Variants in SPATA1 observed in about 807,000 individuals in gnomAD.
SPATA1 encodes spermatogenesis associated 1.
In SPATA1, 57 loss-of-function variants were observed where a neutral mutation model predicts 59.6. That is an observed-to-expected ratio of 0.96 (90% CI 0.77 to 1.19). The LOEUF (loss-of-function observed/expected upper bound fraction) is 1.19, where lower values mean the gene tolerates loss of function less well. Among genes scored for constraint, SPATA1 ranks in the 50% most tolerant of loss-of-function variants. The probability of loss-of-function intolerance (pLI) is 0.00; values close to 1 mark genes in which losing one functional copy is unlikely to be tolerated. For missense variants in SPATA1, 448 were observed against 480.7 expected, an observed-to-expected ratio of 0.93 and a Z score of 0.64; for synonymous variants, 147 against 163.9, an observed-to-expected ratio of 0.90 and a Z score of 0.79.
At chr1:84,560,049 A>C (rs1684556681) in intron 4 of SPATA1, among the ~76,000 whole-genome samples, 1 of 146,962 alleles carries the variant, frequency 6.8e-6, no homozygotes, top group Non-Finnish European at 1.5e-5. Context: ...GCGCCACTGC[A>C]CTACAGCCTG....
At chr1:84,537,853 C>T (rs952930093) in intron 8 of SPATA1, among the ~76,000 whole-genome samples, 1 of 152,188 alleles carries the variant, frequency 6.6e-6, no homozygotes, top group Admixed American at 6.5e-5. Flanking sequence ...TTTGCAAATT[C>T]TCCCTGTAGC....
chr1:84,515,378 C>A (rs960602234), intron 1 of SPATA1, among the ~76,000 whole-genome samples: 5 of 148,212 alleles, frequency 3.4e-5, no homozygotes, highest in African/African-American at 1.3e-4. Context: ...AATTTTGATA[C>A]TATTAAAACA....
intron 3 of SPATA1, among the ~76,000 whole-genome samples, chr1:84,522,030 A>C (rs1012978333): frequency 6.6e-6 from 1 of 152,228 alleles, no homozygotes; most frequent in Non-Finnish European, 1.5e-5. Flanking sequence ...CAAAATAAAT[A>C]TCTGTGGCTA....
chr1:84,520,526 A>G lies in SPATA1; in HGVS notation c.37-59A>G, dbSNP rs779144671. On this transcript the variant is annotated intron_variant, in intron 2 of 12. Coordinates refer to ENST00000490879, the Ensembl canonical transcript of SPATA1. The stretch of plus-strand genomic sequence containing the variant: ...TTAAACTTAATTCTATAGGACATCA[A>G]TTGATTTTTTTTTTCACTTTAAAAA... The G allele has an allele frequency of 1.8e-5, 17 of 920,772 alleles. No individual in the cohort carries two copies. The Admixed American group carries it at 8.0e-4, about 43-fold the overall frequency. The allele number at this position is 920,772 out of a possible 1,614,324, so 57.0% of individuals were successfully genotyped here. A position where few individuals can be genotyped will look rare whatever the true frequency, so the allele number is the denominator to read the frequency against.
At chr1:84,540,011 T>A (rs1239776604) in intron 8 of SPATA1, among the ~76,000 whole-genome samples, 1 of 152,212 alleles carries the variant, frequency 6.6e-6, no homozygotes, top group African/African-American at 2.4e-5. Flanking sequence ...GAATTCTTCC[T>A]TACTGCATGT....
chr1:84,554,915 T>C, downstream of SPATA1: 1 of 1,048,930 alleles, frequency 9.5e-7, no homozygotes, highest in Non-Finnish European at 1.4e-6. Flanking sequence ...AACAAAAGTA[T>C]ATAGCAACAT....
At chr1:84,510,097 G>A (rs571300188) in intron 1 of SPATA1, among the ~76,000 whole-genome samples, 84 of 152,126 alleles carry the variant, frequency 5.5e-4, no homozygotes, top group Non-Finnish European at 1.1e-3. Context: ...ACCTGCAGAG[G>A]TCAAGGCTGC....
At chr1:84,523,737 G>A (rs1311125297) in intron 4 of SPATA1, among the ~76,000 whole-genome samples, 1 of 151,950 alleles carries the variant, frequency 6.6e-6, no homozygotes, top group East Asian at 1.9e-4. Context: ...TACAACTTTT[G>A]GCATATTAAT....
intron 4 of SPATA1, chr1:84,564,053 T>C (rs1684644573): frequency 5.9e-6 from 1 of 170,300 alleles, no homozygotes. Context: ...TTCAAAACAA[T>C]TAAGATCATA....
intron 4 of SPATA1, among the ~76,000 whole-genome samples, chr1:84,525,398 T>C (rs967431913): frequency 2.6e-5 from 4 of 152,210 alleles, no homozygotes; most frequent in African/African-American, 9.6e-5. Context: ...AACTTGGAAA[T>C]TTCCTAGGTA....
At chr1:84,558,842 A>G (rs1172315537), downstream of SPATA1, among the ~76,000 whole-genome samples, 1 of 152,068 alleles carries the variant, frequency 6.6e-6, no homozygotes, top group Non-Finnish European at 1.5e-5. Context: ...TCAAGGCTGC[A>G]GTGAGCCATG....
At chr1:84,555,624 C>T (rs775634065), downstream of SPATA1, among the ~76,000 whole-genome samples, 1 of 152,204 alleles carries the variant, frequency 6.6e-6, no homozygotes, top group East Asian at 1.9e-4. Flanking sequence ...ATAGATTCTA[C>T]TTGAGCTCCT....
chr1:84,559,868 T>C (rs1162884813), intron 4 of SPATA1, among the ~76,000 whole-genome samples: 1 of 151,898 alleles, frequency 6.6e-6, no homozygotes, highest in Admixed American at 6.6e-5. Context: ...GCGGATCACT[T>C]GAGGTCAGGA....
At chr1:84,532,862 G>A in exon 7 of SPATA1, 1 of 1,547,946 alleles carries the variant, frequency 6.5e-7, no homozygotes, top group East Asian at 2.4e-5. Flanking sequence ...AACATCAGCT[G>A]GGGGAAAAGC....
At chr1:84,516,255 CA>C (rs201206476) in exon 2 of SPATA1, 157 of 1,028,808 alleles carry the variant, frequency 1.5e-4, no homozygotes, top group South Asian at 4.0e-4. Context: ...TATCTTAAGC[CA>C]AAAAAAACTA....
chr1:84,549,113 G>T, intron 11 of SPATA1, 149 bp downstream of exon 11: 1 of 719,052 alleles, frequency 1.4e-6, no homozygotes, highest in African/African-American at 1.9e-5. Context: ...TATGTAATAG[G>T]AGGAGCATTG....
intron 8 of SPATA1, among the ~76,000 whole-genome samples, chr1:84,537,170 G>A (rs1260121212): frequency 6.6e-6 from 1 of 152,032 alleles, no homozygotes; most frequent in Admixed American, 6.5e-5. Context: ...GAGCCACCAC[G>A]CCCGGCCTAC....
At chr1:84,521,351 A>G (rs1437860646) in intron 3 of SPATA1, among the ~76,000 whole-genome samples, 1 of 152,228 alleles carries the variant, frequency 6.6e-6, no homozygotes, top group Non-Finnish European at 1.5e-5. Context: ...GACACATAAT[A>G]CCATGTGATC....
intron 10 of SPATA1, among the ~76,000 whole-genome samples, chr1:84,547,428 C>A (rs192560367): frequency 6.6e-5 from 10 of 152,236 alleles, no homozygotes; most frequent in Admixed American, 2.6e-4. Flanking sequence ...GGGGATACAG[C>A]AGTGAACAAG....
Sources: gnomAD v4.1 joint callset for allele counts (sites outside exome capture counted in the v4.1 genomes callset) on GRCh38, gnomAD v4.1.1 for gene constraint, MANE v1.5 for transcripts, NCBI Gene and HGNC (gene_info 2026-07-23, HGNC 2026-07-21) for gene names.